Variants in CFAP43 observed in about 807,000 individuals in gnomAD.
CFAP43 encodes the protein cilia- and flagella-associated protein 43.
CFAP43 carries 155 observed loss-of-function variants against 218.9 expected under a neutral mutation model. That is an observed-to-expected ratio of 0.71 (90% CI 0.62 to 0.81). The LOEUF is 0.81. Among genes scored for constraint, CFAP43 ranks in the 30% least tolerant of loss-of-function variants. The pLI, the probability that CFAP43 is intolerant of heterozygous loss-of-function variation, is 0.00. For missense variants in CFAP43, 1,778 were observed against 1,954.3 expected (o/e 0.91, Z 1.70); for synonymous variants, 645 against 681.3 (o/e 0.95, Z 0.83).
intron 3 of CFAP43, among the ~76,000 whole-genome samples, chr10:104,224,957 C>G (rs1303147438): frequency 1.3e-5 from 2 of 151,950 alleles, no homozygotes; most frequent in East Asian, 3.9e-4. Flanking sequence ...TAAAGTTGGC[C>G]ACGTGAAATG....
rs2090993091 is a variant in CFAP43 at position 104,215,645 on chromosome 10, T to A, written c.417-1219A>T. Among the ~76,000 whole-genome samples, 2 of 152,136 alleles carry A rather than the reference T, an allele frequency of 1.3e-5. 1 individual carries two copies. Among genetic ancestry groups the A allele is most frequent in the African/African-American group, 4.8e-5 (2 of 41,426 alleles). ...ACCAGACCCTCAATAGGATCTCCAATCCTGCTATGTTTCTCTGGCCAGTTC... is the reference window on the plus strand; with the variant it reads ...ACCAGACCCTCAATAGGATCTCCAAACCTGCTATGTTTCTCTGGCCAGTTC... On this transcript the variant is annotated intron_variant, in intron 3 of 37. Transcript: ENST00000357060.
At chr10:104,196,969 A>AGTCTT in intron 9 of CFAP43, 36 bp from the exon 10 acceptor site, 1 of 1,548,134 alleles carries the variant, frequency 6.5e-7, no homozygotes, top group Non-Finnish European at 8.8e-7. Flanking sequence ...CTACATGGAA[A>AGTCTT]ATAAGACTTT....
intron 28 of CFAP43, among the ~76,000 whole-genome samples, chr10:104,148,356 C>CT (rs1190399071): frequency 1.3e-5 from 2 of 152,178 alleles, no homozygotes; most frequent in Non-Finnish European, 2.9e-5. Context: ...AACCCCAGTA[C>CT]TAAACACTAT....
chr10:104,179,827 G>A lies in CFAP43; in HGVS notation c.2382+13C>T. On this transcript the variant is annotated intron_variant, in intron 18 of 37. Coordinates refer to ENST00000357060, the MANE Select transcript of CFAP43 (RefSeq NM_025145.7). Reference sequence around the variant, plus strand: ...GAGCACTATTTCAAACCTACCCCATGTTTCACAAATACCTCTTGGCTTTTT... The same window carrying A: ...GAGCACTATTTCAAACCTACCCCATATTTCACAAATACCTCTTGGCTTTTT... The A allele has an allele frequency of 6.2e-7, 1 of 1,603,262 alleles. No individual in the cohort carries two copies. Among genetic ancestry groups the A allele is most frequent in the South Asian group, 1.1e-5 (1 of 90,288 alleles).
intron 26 of CFAP43, among the ~76,000 whole-genome samples, chr10:104,161,686 A>G (rs1381127394): frequency 6.6e-6 from 1 of 152,082 alleles, no homozygotes; most frequent in African/African-American, 2.4e-5. Context: ...GCTGGAGTGC[A>G]GTGGTGTGAT....
chr10:104,230,454 A>C, intron 2 of CFAP43, 136 bp downstream of exon 2: 2 of 1,176,890 alleles, frequency 1.7e-6, no homozygotes, highest in Non-Finnish European at 2.3e-6. Flanking sequence ...AACAGGGCAA[A>C]ACTCCATCTC....
intron 28 of CFAP43, among the ~76,000 whole-genome samples, chr10:104,148,306 G>A (rs1001261090): frequency 2.0e-5 from 3 of 152,140 alleles, no homozygotes; most frequent in South Asian, 2.1e-4. Flanking sequence ...AGAACTTTAC[G>A]ACTGCAGTTG....
In CFAP43 at chr10:104,207,534, AG is replaced by A. The variant is rs1449094167; in HGVS notation, c.895+130del. 3.7e-6 allele frequency: 3 copies of A among 819,840 alleles called. No individual in the cohort carries two copies. The African/African-American group carries it at 5.2e-5, about 14-fold the overall frequency. The allele number at this position is 819,840 out of a possible 1,614,324, so 50.8% of individuals were successfully genotyped here. On this transcript the variant is annotated intron_variant, in intron 6 of 37. Coordinates refer to ENST00000357060, the MANE Select transcript of CFAP43 (RefSeq NM_025145.7). ...TATAAAGTGATGGTAGAATGCCAACAGCACAGTAACAGCCAGAGGATTAAGA... is the reference window on the plus strand; with the variant it reads ...TATAAAGTGATGGTAGAATGCCAACACACAGTAACAGCCAGAGGATTAAGA...
intron 12 of CFAP43, among the ~76,000 whole-genome samples, chr10:104,191,633 A>C (rs954796815): frequency 9.2e-5 from 14 of 152,018 alleles, no homozygotes; most frequent in African/African-American, 2.9e-4. Context: ...ATCCCCCTAC[A>C]AGGCCTAGGT....
intron 5 of CFAP43, among the ~76,000 whole-genome samples, chr10:104,210,884 G>A (rs1286131296): frequency 1.4e-5 from 2 of 138,478 alleles, no homozygotes; most frequent in African/African-American, 2.7e-5. Flanking sequence ...TCTGCCTCCC[G>A]GGTTCTCACC....
chr10:104,183,300 C>G (rs2089914406), intron 16 of CFAP43, among the ~76,000 whole-genome samples: 1 of 152,170 alleles, frequency 6.6e-6, no homozygotes, highest in African/African-American at 2.4e-5. Flanking sequence ...GCTACAGACC[C>G]CCTACCTTAA....
chr10:104,144,432 C>T (rs900619826), intron 31 of CFAP43, among the ~76,000 whole-genome samples: 12 of 152,136 alleles, frequency 7.9e-5, no homozygotes, highest in Non-Finnish European at 1.5e-4. Flanking sequence ...GGGTGGATCA[C>T]GAGGTCAGGA....
intron 37 of CFAP43, 47 bp from the exon 38 acceptor site, chr10:104,130,352 C>T (rs1367591534): frequency 6.4e-7 from 1 of 1,573,180 alleles, no homozygotes; most frequent in Admixed American, 1.9e-5. Flanking sequence ...TCAATACTTT[C>T]AAATACAGAA....
At chr10:104,211,416 T>C (rs1025221144) in intron 5 of CFAP43, among the ~76,000 whole-genome samples, 7 of 152,166 alleles carry the variant, frequency 4.6e-5, no homozygotes, top group African/African-American at 1.7e-4. Context: ...GTTGAATGAA[T>C]GAATGAATGA....
chr10:104,228,119 G>A (rs2091352595), intron 2 of CFAP43, among the ~76,000 whole-genome samples: 1 of 152,128 alleles, frequency 6.6e-6, no homozygotes, highest in Non-Finnish European at 1.5e-5. Context: ...TGGGATTACA[G>A]GCGTGAGCCA....
At chr10:104,165,461 C>T (rs1296514994) in intron 23 of CFAP43, among the ~76,000 whole-genome samples, 2 of 152,110 alleles carry the variant, frequency 1.3e-5, no homozygotes, top group Non-Finnish European at 2.9e-5. Flanking sequence ...TGTAAATGAA[C>T]AGAAATTTCA....
chr10:104,157,773 TGTGAGA>T (rs1312009609), intron 27 of CFAP43, among the ~76,000 whole-genome samples: 21 of 98,108 alleles, frequency 2.1e-4, no homozygotes, highest in African/African-American at 6.0e-4. Context: ...TGTGTGTGTG[TGTGAGA>T]GAGAGAGAGA....
At chr10:104,203,851 T>A (rs778472863) in intron 7 of CFAP43, 48 bp from the exon 8 acceptor site, 1 of 1,517,998 alleles carries the variant, frequency 6.6e-7, no homozygotes, top group Non-Finnish European at 8.8e-7. Flanking sequence ...AGTCAATGCA[T>A]AGTATACTTG....
rs1484523345 is a variant in CFAP43, at chr10:104,157,775, T to TGTGTGTGAGAGAGA, written c.3540+3261_3540+3262insTCTCTCTCACACAC. The stretch of plus-strand genomic sequence containing the variant: ...GTGTGTGTGTGTGTGTGTGTGTGTG[T>TGTGTGTGAGAGAGA]GAGAGAGAGAGAGAGAGAGAGAGAG... On this transcript the variant is annotated intron_variant, in intron 27 of 37. Coordinates refer to ENST00000357060, the MANE Select transcript of CFAP43 (RefSeq NM_025145.7). 2.0e-3 allele frequency among the ~76,000 whole-genome samples: 177 copies of TGTGTGTGAGAGAGA among 90,140 alleles called. 1 individual carries two copies. The highest frequency in any genetic ancestry group is 7.6e-3 in the African/African-American group (153 of 20,004). 59.1% of individuals were successfully genotyped at this position (90,140 alleles called of 152,430 possible).
Sources: allele counts gnomAD v4.1 joint callset (sites outside exome capture counted in the v4.1 genomes callset), GRCh38; gene constraint gnomAD v4.1.1; transcripts MANE v1.5; gene names NCBI Gene and HGNC (gene_info 2026-07-23, HGNC 2026-07-21).